Variants in EPHA7 observed in about 807,000 individuals in gnomAD.
The protein encoded by EPHA7 is ephrin type-A receptor 7.
Under a neutral mutation model 112.6 loss-of-function variants are expected in EPHA7, and 25 were observed. The observed-to-expected ratio is 0.22, with a 90% CI of 0.16 to 0.31. The LOEUF is 0.31. Among genes scored for constraint, EPHA7 ranks in the 10% least tolerant of loss-of-function variants. The pLI is 1.00. For missense variants in EPHA7, 962 were observed against 1,212.6 expected (o/e 0.79, Z 3.07); for synonymous variants, 437 against 406.5 (o/e 1.07, Z -0.90).
intron 14 of EPHA7, among the ~76,000 whole-genome samples, chr6:93,248,550 T>G (rs1397542630): frequency 6.6e-6 from 1 of 152,122 alleles, no homozygotes; most frequent in Non-Finnish European, 1.5e-5. Flanking sequence ...TGTATATATT[T>G]AAAATTGAAT....
At chr6:93,343,780 T>C (rs1468899826) in intron 5 of EPHA7, among the ~76,000 whole-genome samples, 1 of 151,568 alleles carries the variant, frequency 6.6e-6, no homozygotes, top group Non-Finnish European at 1.5e-5. Context: ...AACATCAAAG[T>C]AGGCAGGCAG....
intron 3 of EPHA7, among the ~76,000 whole-genome samples, chr6:93,382,854 A>G (rs1777408026): frequency 6.6e-6 from 1 of 152,178 alleles, no homozygotes; most frequent in Non-Finnish European, 1.5e-5. Flanking sequence ...TTCAAAAGGT[A>G]TCACTACCAT....
intron 5 of EPHA7, among the ~76,000 whole-genome samples, chr6:93,318,829 G>GGA (rs1773931699): frequency 6.6e-6 from 1 of 151,942 alleles, no homozygotes; most frequent in Admixed American, 6.6e-5. Context: ...TCTAGAATCA[G>GGA]GAAACTATTG....
At chr6:93,292,602 C>A (rs546179272) in intron 5 of EPHA7, among the ~76,000 whole-genome samples, 1 of 152,080 alleles carries the variant, frequency 6.6e-6, no homozygotes, top group African/African-American at 2.4e-5. Flanking sequence ...ATATCTATTG[C>A]TTTAGATCAA....
At chr6:93,355,868 G>T (rs1362082727) in intron 5 of EPHA7, among the ~76,000 whole-genome samples, 1 of 152,084 alleles carries the variant, frequency 6.6e-6, no homozygotes, top group Non-Finnish European at 1.5e-5. Flanking sequence ...CATGAAATCT[G>T]CCATTTATTC....
At position 93,358,376 on chromosome 6, in the gene EPHA7, C is replaced by T. The variant is rs1313085656; in HGVS notation, c.868G>A (p.Asp290Asn). The change falls in exon 4 of 17, where the codon GAT becomes AAT. Residue 290 changes from aspartate to asparagine, a missense_variant. By Grantham distance (23) the Asp-to-Asn change is conservative (BLOSUM62 1). Transcript: ENST00000369303. ...GRGFYKSSSQ[D>N]LQCSRCPTHS... is the part of the protein sequence containing the mutation. ...GTTGGACAACGAGAGCACTGAAGAT[C>T]TTGAGAGGAAGACTTGTAGAACCCA... 1 of 1,611,600 alleles carries T rather than the reference C, an allele frequency of 6.2e-7. No individual in the cohort carries two copies. The highest frequency in any genetic ancestry group is 2.2e-5 in the East Asian group (1 of 44,740).
intron 3 of EPHA7, among the ~76,000 whole-genome samples, chr6:93,385,375 G>T (rs755543125): frequency 6.6e-6 from 1 of 152,000 alleles, no homozygotes; most frequent in Non-Finnish European, 1.5e-5. Context: ...AGTCAGAAAG[G>T]AATAATAAAA....
chr6:93,277,132 G>T (rs538851989), intron 5 of EPHA7, among the ~76,000 whole-genome samples: 1 of 151,948 alleles, frequency 6.6e-6, no homozygotes, highest in African/African-American at 2.4e-5. Flanking sequence ...CCTATTGTAC[G>T]TTATCAGCAA....
chr6:93,318,888 A>G (rs553821655), intron 5 of EPHA7, among the ~76,000 whole-genome samples: 1 of 152,122 alleles, frequency 6.6e-6, no homozygotes, highest in Non-Finnish European at 1.5e-5. Context: ...GAAAAATACA[A>G]TGAATTTTTC....
intron 9 of EPHA7, among the ~76,000 whole-genome samples, chr6:93,262,306 G>T (rs1253216174): frequency 6.6e-6 from 1 of 151,346 alleles, no homozygotes; most frequent in Admixed American, 6.6e-5. Context: ...CTTCACTGAG[G>T]CTTGTCGCAG....
intron 5 of EPHA7, among the ~76,000 whole-genome samples, chr6:93,325,016 C>T (rs1774247376): frequency 6.6e-6 from 1 of 151,068 alleles, no homozygotes; most frequent in Admixed American, 6.6e-5. Flanking sequence ...CCTACCTTTT[C>T]TAAAACTGGG....
At chr6:93,292,134 G>A (rs141520627) in intron 5 of EPHA7, among the ~76,000 whole-genome samples, 19 of 152,238 alleles carry the variant, frequency 1.2e-4, no homozygotes, top group African/African-American at 4.3e-4. Context: ...TCCTTCACAA[G>A]ATTTGAAGTC....
chr6:93,260,755 G>C, intron 9 of EPHA7: 2 of 980,990 alleles, frequency 2.0e-6, no homozygotes, highest in Non-Finnish European at 2.4e-6. Flanking sequence ...TTATAAAACT[G>C]ACAGATGCTC....
chr6:93,393,587 A>G (rs1314961362), intron 3 of EPHA7, among the ~76,000 whole-genome samples: 1 of 151,778 alleles, frequency 6.6e-6, no homozygotes, highest in Non-Finnish European at 1.5e-5. Context: ...AAAACCCTAT[A>G]TTGGGCTAGG....
At chr6:93,417,387 G>T (rs1204941109) in intron 1 of EPHA7, among the ~76,000 whole-genome samples, 1 of 152,060 alleles carries the variant, frequency 6.6e-6, no homozygotes, top group African/African-American at 2.4e-5. Context: ...GAAGCCGGGC[G>T]CACTCGCCGC....
intron 9 of EPHA7, among the ~76,000 whole-genome samples, chr6:93,262,969 CA>C (rs1193436512): frequency 3.3e-5 from 5 of 151,204 alleles, no homozygotes; most frequent in African/African-American, 1.2e-4. Flanking sequence ...ATAAATAACA[CA>C]ACAAAAGATA....
At chr6:93,350,779 G>A (rs2127936747) in intron 5 of EPHA7, among the ~76,000 whole-genome samples, 1 of 151,878 alleles carries the variant, frequency 6.6e-6, no homozygotes, top group South Asian at 2.1e-4. Context: ...TATGTAATAT[G>A]TGAAATGTAC....
chr6:93,399,000 G>T (rs760881249), intron 3 of EPHA7, among the ~76,000 whole-genome samples: 10 of 152,080 alleles, frequency 6.6e-5, no homozygotes, highest in Admixed American at 6.6e-4. Flanking sequence ...AGCTTAACAT[G>T]TGTTAATTTT....
chr6:93,263,885 T>C lies in EPHA7; in HGVS notation c.1773A>G (p.Glu591=). The change falls in exon 9 of 17, where the codon GAA becomes GAG. Residue 591 remains glutamate, a synonymous_variant. Coordinates refer to ENST00000369303, the MANE Select transcript of EPHA7 (RefSeq NM_004440.4). ...AATGAAAGTAAAGCTCTTCATCGCC[T>C]TCTTGGTCAGCTTTGCTATAACCAC... ...RHCGYSKADQ[E]GDEELYFHFK... 1 of 1,609,620 alleles carries C rather than the reference T, an allele frequency of 6.2e-7. No individual in the cohort carries two copies. The highest frequency in any genetic ancestry group is 8.5e-7 in the Non-Finnish European group (1 of 1,177,150).
Sources: allele counts gnomAD v4.1 joint callset (sites outside exome capture counted in the v4.1 genomes callset), GRCh38; gene constraint gnomAD v4.1.1; transcripts MANE v1.5; gene names NCBI Gene and HGNC (gene_info 2026-07-23, HGNC 2026-07-21).